Variants in CACNA1D observed in about 807,000 individuals in gnomAD.
The protein encoded by CACNA1D is calcium voltage-gated channel subunit alpha1 D.
In CACNA1D, 55 loss-of-function variants were observed where a neutral mutation model predicts 257.1. The observed-to-expected ratio is 0.21, with a 90% CI of 0.17 to 0.27. CACNA1D has a LOEUF of 0.27. Among genes scored for constraint, CACNA1D ranks in the 10% least tolerant of loss-of-function variants. CACNA1D has a pLI of 1.00. For synonymous variants in CACNA1D, 980 were observed against 1,014.9 expected (o/e 0.97, Z 0.65); for missense variants, 1,876 against 2,784.0 (o/e 0.67, Z 7.34).
intron 3 of CACNA1D, among the ~76,000 whole-genome samples, chr3:53,595,257 C>T (rs1275358239): frequency 6.6e-6 from 1 of 152,214 alleles, no homozygotes; most frequent in Non-Finnish European, 1.5e-5. Flanking sequence ...TCACAGTGCC[C>T]TGTTTCCCAC....
chr3:53,744,355 G>C (rs2095146776), intron 22 of CACNA1D, among the ~76,000 whole-genome samples: 1 of 152,186 alleles, frequency 6.6e-6, no homozygotes. Flanking sequence ...GAAGGCCAGA[G>C]AAGCCCTGGT....
intron 3 of CACNA1D, among the ~76,000 whole-genome samples, chr3:53,514,543 T>C (rs1420679189): frequency 6.6e-6 from 1 of 152,172 alleles, no homozygotes; most frequent in East Asian, 1.9e-4. Context: ...CCTTTCTGCA[T>C]CTGCTCTTTC....
rs1042599607 is a variant in CACNA1D at position 53,495,190 on chromosome 3, A to G, written c.24A>G (p.Lys8=). MMMMMMM[K]KMQHQRQQQA... The stretch of plus-strand genomic sequence containing the variant: ...GGATGATGATGATGATGATGATGAA[A>G]AAAATGCAGCATCAACGGCAGCAGC... The change falls in exon 1 of 48, where the codon AAA becomes AAG. Residue 8 remains lysine (K), a synonymous_variant. Coordinates refer to ENST00000350061, the MANE Select transcript of CACNA1D (RefSeq NM_001128840.3). This position sits in a 1 kb window ranked among gnomAD's most constrained non-coding sequence, Gnocchi z 5.1. 4 of 1,613,522 alleles carry G rather than the reference A, an allele frequency of 2.5e-6. No homozygotes were observed. The highest frequency in any genetic ancestry group is 3.4e-6 in the Non-Finnish European group (4 of 1,179,902).
At chr3:53,573,334 C>T (rs2092980786) in intron 3 of CACNA1D, among the ~76,000 whole-genome samples, 2 of 152,340 alleles carry the variant, frequency 1.3e-5, no homozygotes, top group East Asian at 3.9e-4. Context: ...TCCCCTCACT[C>T]CTCCACACTT....
At chr3:53,519,208 C>T (rs750950710) in intron 3 of CACNA1D, among the ~76,000 whole-genome samples, 2 of 152,154 alleles carry the variant, frequency 1.3e-5, no homozygotes, top group Non-Finnish European at 2.9e-5. Context: ...GGAACTGATG[C>T]AATCGTAGAA....
chr3:53,730,396 T>C (rs1166724420), intron 15 of CACNA1D, 46 bp from the exon 16 acceptor site: 1 of 1,272,282 alleles, frequency 7.9e-7, no homozygotes, highest in Non-Finnish European at 1.2e-6. Context: ...TGGCCGCACG[T>C]AGTTGCATTT....
At chr3:53,608,410 C>A (rs1393171080) in intron 3 of CACNA1D, among the ~76,000 whole-genome samples, 65 of 152,154 alleles carry the variant, frequency 4.3e-4, no homozygotes, top group Non-Finnish European at 2.9e-5. Flanking sequence ...ACATATAGAT[C>A]ATGTCATTTG....
intron 37 of CACNA1D, 60 bp downstream of exon 37, chr3:53,777,016 AACAC>A: frequency 4.7e-6 from 6 of 1,283,926 alleles, no homozygotes; most frequent in Non-Finnish European, 6.8e-6. Context: ...TCATTTAACA[AACAC>A]TTGTTAAGTG....
intron 3 of CACNA1D, among the ~76,000 whole-genome samples, chr3:53,605,161 T>C (rs1482888109): frequency 6.6e-6 from 1 of 152,218 alleles, no homozygotes. Context: ...ACACACTGCA[T>C]AGCAGTTGTG....
At chr3:53,728,712 A>G (rs1222972097) in intron 15 of CACNA1D, among the ~76,000 whole-genome samples, 1 of 152,178 alleles carries the variant, frequency 6.6e-6, no homozygotes, top group African/African-American at 2.4e-5. Flanking sequence ...AGCACATGCC[A>G]CTGTATCAGA....
intron 21 of CACNA1D, 73 bp downstream of exon 21, chr3:53,740,412 C>T (rs2095104806): frequency 5.1e-6 from 5 of 989,150 alleles, no homozygotes; most frequent in Admixed American, 1.7e-5. Flanking sequence ...CTTTGTTTGC[C>T]TTCCAGATGC....
chr3:53,552,829 T>A, intron 3 of CACNA1D, among the ~76,000 whole-genome samples: 1 of 152,234 alleles, frequency 6.6e-6, no homozygotes, highest in South Asian at 2.1e-4. Context: ...AAGGATTTAC[T>A]ATTCTTAAGG....
chr3:53,706,337 G>A (rs1267374634), intron 9 of CACNA1D, among the ~76,000 whole-genome samples: 5 of 152,198 alleles, frequency 3.3e-5, no homozygotes, highest in African/African-American at 1.2e-4. Flanking sequence ...AGATGTCTGT[G>A]AGCTCACAGG....
At chr3:53,731,270 A>G (rs1397925442) in intron 17 of CACNA1D, 124 bp downstream of exon 17, 3 of 744,646 alleles carry the variant, frequency 4.0e-6, no homozygotes, top group Non-Finnish European at 7.2e-6. Flanking sequence ...GGTGTGAAGA[A>G]TATGGCACAC....
intron 12 of CACNA1D, among the ~76,000 whole-genome samples, 177 bp downstream of exon 12, chr3:53,722,651 C>T (rs758785217): frequency 5.9e-5 from 9 of 152,198 alleles, no homozygotes; most frequent in African/African-American, 1.4e-4. Flanking sequence ...CCATCTGTGC[C>T]GCGTGGTGAA....
intron 3 of CACNA1D, among the ~76,000 whole-genome samples, chr3:53,567,032 G>A (rs2092855413): frequency 6.6e-6 from 1 of 152,150 alleles, no homozygotes; most frequent in Non-Finnish European, 1.5e-5. Context: ...AATTCCTTAA[G>A]CAAACTCCTG....
intron 3 of CACNA1D, among the ~76,000 whole-genome samples, chr3:53,534,217 G>T (rs1301876272): frequency 2.0e-5 from 3 of 152,214 alleles, no homozygotes; most frequent in Non-Finnish European, 2.9e-5. Context: ...TTCCAGAAGT[G>T]GCGTGGTGGG....
At chr3:53,545,733 T>C (rs1310793927) in intron 3 of CACNA1D, among the ~76,000 whole-genome samples, 1 of 152,220 alleles carries the variant, frequency 6.6e-6, no homozygotes, top group Non-Finnish European at 1.5e-5. Flanking sequence ...TAGCCAAACC[T>C]GGACACTTTC....
chr3:53,798,655 G>T (rs1048363385), intron 40 of CACNA1D, among the ~76,000 whole-genome samples: 4 of 152,178 alleles, frequency 2.6e-5, no homozygotes, highest in African/African-American at 9.7e-5. Context: ...ACCATTTTTA[G>T]CAGAATTGTC....
Sources: gnomAD v4.1 joint callset for allele counts (sites outside exome capture counted in the v4.1 genomes callset) on GRCh38, gnomAD v4.1.1 for gene constraint, Gnocchi (gnomAD v3.1) non-coding constraint, MANE v1.5 for transcripts, NCBI Gene and HGNC (gene_info 2026-07-23, HGNC 2026-07-21) for gene names.